Variants in PALS2 observed in about 807,000 individuals in gnomAD.
PALS2 encodes protein associated with LIN7 2, MAGUK p55 family member, also known as protein PALS2.
PALS2 carries 27 observed loss-of-function variants against 61.6 expected under a neutral mutation model. The ratio of observed to expected loss-of-function variants is 0.44; its 90% CI spans 0.32 to 0.60. PALS2 has a LOEUF of 0.60. PALS2 is among the 20% of genes least tolerant of loss of function. The probability of loss-of-function intolerance (pLI) is 0.05; values close to 1 mark genes in which losing one functional copy is unlikely to be tolerated. For missense variants in PALS2, 554 were observed against 639.4 expected (o/e 0.87, Z 1.44); for synonymous variants, 236 against 218.6 (o/e 1.08, Z -0.70).
chr7:24,683,693 A>G (rs1788051387), intron 11 of PALS2, among the ~76,000 whole-genome samples: 1 of 152,120 alleles, frequency 6.6e-6, no homozygotes, highest in East Asian at 1.9e-4. Context: ...CATAATACTA[A>G]CAGTGCCCAT....
At chr7:24,643,857 A>T (rs1785689294) in intron 3 of PALS2, among the ~76,000 whole-genome samples, 1 of 152,174 alleles carries the variant, frequency 6.6e-6, no homozygotes, top group African/African-American at 2.4e-5. Flanking sequence ...ATCTTAAGTG[A>T]TACGATGCAA....
chr7:24,653,536 C>CA (rs779400818), intron 5 of PALS2, among the ~76,000 whole-genome samples: 5 of 152,252 alleles, frequency 3.3e-5, no homozygotes, highest in Non-Finnish European at 7.4e-5. Context: ...AATTTCCACT[C>CA]ACGAAATTCC....
chr7:24,580,480 G>A (rs1782798687), intron 1 of PALS2, among the ~76,000 whole-genome samples: 1 of 152,170 alleles, frequency 6.6e-6, no homozygotes, highest in Admixed American at 6.5e-5. Flanking sequence ...TCTCTCACCA[G>A]GTCAATACTT....
chr7:24,583,698 A>G (rs1304366798), intron 1 of PALS2, among the ~76,000 whole-genome samples: 4 of 147,216 alleles, frequency 2.7e-5, no homozygotes, highest in Non-Finnish European at 5.9e-5. Context: ...TTTAGGGTAC[A>G]TGTGCACATT....
chr7:24,584,803 G>GT (rs1165043199), intron 1 of PALS2, among the ~76,000 whole-genome samples: 2 of 151,638 alleles, frequency 1.3e-5, no homozygotes, highest in Admixed American at 1.3e-4. Flanking sequence ...TAGGTCTAAC[G>GT]TTTAAGTCTT....
intron 5 of PALS2, among the ~76,000 whole-genome samples, chr7:24,658,620 G>C (rs1284551522): frequency 6.7e-6 from 1 of 149,546 alleles, no homozygotes; most frequent in Non-Finnish European, 1.5e-5. Flanking sequence ...GCAGTGGCAC[G>C]ATCTCGGCTC....
intron 9 of PALS2, among the ~76,000 whole-genome samples, chr7:24,675,829 A>G (rs528407469): frequency 4.0e-5 from 5 of 125,626 alleles, no homozygotes; most frequent in Admixed American, 7.6e-5. Context: ...CTTTGCTATT[A>G]TGAATAATGC....
At chr7:24,602,631 G>T (rs1186165839) in intron 1 of PALS2, among the ~76,000 whole-genome samples, 1 of 152,114 alleles carries the variant, frequency 6.6e-6, no homozygotes, top group Non-Finnish European at 1.5e-5. Flanking sequence ...TAATAATCCT[G>T]TCTTCTATAT....
chr7:24,682,007 A>G (rs1452474322), intron 11 of PALS2, among the ~76,000 whole-genome samples: 1 of 152,294 alleles, frequency 6.6e-6, no homozygotes, highest in Non-Finnish European at 1.5e-5. Flanking sequence ...TATTATGAGT[A>G]TATCTTCCTG....
intron 2 of PALS2, among the ~76,000 whole-genome samples, chr7:24,634,525 C>T (rs115837772): frequency 6.4e-4 from 98 of 152,256 alleles, no homozygotes; most frequent in African/African-American, 2.2e-3. Context: ...CCACCACGCC[C>T]GGCTGAAGCA....
intron 1 of PALS2, among the ~76,000 whole-genome samples, chr7:24,578,751 C>T (rs1782731483): frequency 6.6e-6 from 1 of 152,146 alleles, no homozygotes; most frequent in Non-Finnish European, 1.5e-5. Context: ...TTGCTGTAAC[C>T]ACATGTAATG....
chr7:24,652,182 TTTA>T (rs1786188627), intron 5 of PALS2, among the ~76,000 whole-genome samples: 1 of 152,180 alleles, frequency 6.6e-6, no homozygotes, highest in Non-Finnish European at 1.5e-5. Flanking sequence ...ACGTATTTTA[TTTA>T]TTATTATGTG....
At chr7:24,601,980 T>C (rs1379076431) in intron 1 of PALS2, among the ~76,000 whole-genome samples, 1 of 152,134 alleles carries the variant, frequency 6.6e-6, no homozygotes, top group Admixed American at 6.6e-5. Flanking sequence ...TTCTGGAAAA[T>C]GTTAAATATT....
intron 1 of PALS2, among the ~76,000 whole-genome samples, chr7:24,595,318 T>C (rs1783457114): frequency 6.7e-6 from 1 of 149,220 alleles, no homozygotes; most frequent in South Asian, 2.1e-4. Flanking sequence ...CCATGGGAGA[T>C]TTTCTGTGGA....
At chr7:24,640,548 G>T (rs971493420) in intron 2 of PALS2, among the ~76,000 whole-genome samples, 1 of 152,058 alleles carries the variant, frequency 6.6e-6, no homozygotes, top group Non-Finnish European at 1.5e-5. Context: ...ATCTTACATG[G>T]TTTTGTTTAT....
chr7:24,673,923 C>T (rs10272049), intron 9 of PALS2, among the ~76,000 whole-genome samples: 2,347 of 152,064 alleles, frequency 0.015, 28 homozygotes, highest in Non-Finnish European at 0.023. Context: ...TCCCTCTAAG[C>T]ACTTAGTTGC....
chr7:24,657,392 A>C (rs1373994643), intron 5 of PALS2, among the ~76,000 whole-genome samples: 3 of 152,178 alleles, frequency 2.0e-5, no homozygotes, highest in African/African-American at 7.2e-5. Context: ...TCAGTCTTTA[A>C]AATTTTAGCC....
rs147281439 is a variant in PALS2, at chr7:24,580,585, C to T, written c.-3+6992C>T. ...TCTTTTCTACTAATGAATATTCAGGCATGGTTCTCCAAGGAAGCCATCATT... is the reference window on the plus strand; with the variant it reads ...TCTTTTCTACTAATGAATATTCAGGTATGGTTCTCCAAGGAAGCCATCATT... On this transcript the variant is annotated intron_variant, in intron 1 of 11. Coordinates refer to ENST00000222644, the MANE Select transcript of PALS2 (RefSeq NM_001303037.2). 3.9e-5 allele frequency among the ~76,000 whole-genome samples: 6 copies of T among 152,288 alleles called. No homozygotes were observed. The East Asian group carries it at 1.2e-3, about 29-fold the overall frequency.
intron 4 of PALS2, 101 bp from the exon 5 acceptor site, chr7:24,650,384 C>G: frequency 1.0e-6 from 1 of 962,258 alleles, no homozygotes; most frequent in Non-Finnish European, 1.5e-6. Flanking sequence ...AAGAATGATT[C>G]ATTTTACCTA....
Sources: allele counts gnomAD v4.1 joint callset (sites outside exome capture counted in the v4.1 genomes callset), GRCh38; gene constraint gnomAD v4.1.1; transcripts MANE v1.5; gene names NCBI Gene and HGNC (gene_info 2026-07-23, HGNC 2026-07-21).